The following VRK2 variants were observed in gnomAD, a reference collection of about 807,000 sequenced individuals.
The protein encoded by VRK2 is serine/threonine-protein kinase VRK2.
Under a neutral mutation model 57.6 loss-of-function variants are expected in VRK2, and 60 were observed. The observed-to-expected ratio is 1.04, with a 90% CI of 0.85 to 1.29. The LOEUF is 1.29. VRK2 is among the 50% of genes most tolerant of loss of function. The pLI is 0.00. For missense variants in VRK2, 705 were observed against 588.1 expected (o/e 1.20, Z -2.06); for synonymous variants, 231 against 199.2 (o/e 1.16, Z -1.35).
At chr2:58,069,249 A>C (rs1669059833) in intron 2 of VRK2, among the ~76,000 whole-genome samples, 1 of 152,196 alleles carries the variant, frequency 6.6e-6, no homozygotes, top group Admixed American at 6.5e-5. Flanking sequence ...TTTAGTTTTC[A>C]ATAGCAAAAG....
chr2:57,990,877 A>ATG (rs1351002156), intron 1 of VRK2, among the ~76,000 whole-genome samples: 2 of 151,588 alleles, frequency 1.3e-5, no homozygotes, highest in Non-Finnish European at 2.9e-5. Context: ...ACACACACAC[A>ATG]CACACACATG....
intron 1 of VRK2, among the ~76,000 whole-genome samples, chr2:57,943,450 C>A (rs1671161548): frequency 6.6e-6 from 1 of 152,168 alleles, no homozygotes; most frequent in Non-Finnish European, 1.5e-5. Context: ...TCTTGCTTCT[C>A]TCTTGAGGCC....
chr2:57,957,346 A>G (rs1671617644), intron 1 of VRK2, among the ~76,000 whole-genome samples: 1 of 152,020 alleles, frequency 6.6e-6, no homozygotes, highest in Admixed American at 6.6e-5. Context: ...ATACTACTGA[A>G]ACCAACATTA....
upstream of VRK2, chr2:58,046,501 T>C: frequency 2.0e-6 from 2 of 985,498 alleles, no homozygotes; most frequent in Non-Finnish European, 2.4e-6. Flanking sequence ...CCTACACAAA[T>C]GCATGTCGTG....
At chr2:58,060,855 T>C (rs1317894991) in intron 2 of VRK2, among the ~76,000 whole-genome samples, 6 of 151,908 alleles carry the variant, frequency 3.9e-5, no homozygotes, top group African/African-American at 1.4e-4. Context: ...ATAGGATTTA[T>C]GATGGCTAAG....
intron 1 of VRK2, among the ~76,000 whole-genome samples, chr2:58,005,139 T>C (rs1050567071): frequency 5.3e-5 from 8 of 152,202 alleles, no homozygotes; most frequent in African/African-American, 1.9e-4. Context: ...GTATTCTGCA[T>C]GATATGACTA....
At chr2:57,921,972 T>C (rs1044154081) in intron 1 of VRK2, among the ~76,000 whole-genome samples, 2 of 152,126 alleles carry the variant, frequency 1.3e-5, no homozygotes, top group African/African-American at 2.4e-5. Flanking sequence ...TCTGATTGTT[T>C]TGTTCCTCGT....
chr2:58,137,241 T>C (rs942382879), intron 10 of VRK2, among the ~76,000 whole-genome samples: 1 of 129,680 alleles, frequency 7.7e-6, no homozygotes, highest in African/African-American at 3.3e-5. Context: ...TACATATATA[T>C]CATATATATG....
intron 2 of VRK2, among the ~76,000 whole-genome samples, chr2:58,083,171 G>C (rs1164113407): frequency 1.3e-5 from 2 of 151,518 alleles, no homozygotes; most frequent in African/African-American, 2.4e-5. Context: ...CTTTCCTTCA[G>C]ATATCATCCA....
At chr2:58,046,638 G>T, upstream of VRK2, 2 of 985,582 alleles carry the variant, frequency 2.0e-6, no homozygotes, top group Non-Finnish European at 2.4e-6. Context: ...GGCGTCTCCG[G>T]GGCGTGGACA....
At chr2:57,961,390 A>C (rs1321038766) in intron 1 of VRK2, among the ~76,000 whole-genome samples, 2 of 152,212 alleles carry the variant, frequency 1.3e-5, no homozygotes, top group African/African-American at 4.8e-5. Flanking sequence ...GATTGAAAAA[A>C]GCGAGAACAG....
At chr2:58,136,533 T>G (rs1298486575) in intron 10 of VRK2, among the ~76,000 whole-genome samples, 1 of 151,794 alleles carries the variant, frequency 6.6e-6, no homozygotes, top group East Asian at 1.9e-4. Context: ...TACAGACACG[T>G]GCCACGATGC....
At chr2:58,132,576 CAAT>C (rs1375605398) in intron 9 of VRK2, among the ~76,000 whole-genome samples, 3 of 152,122 alleles carry the variant, frequency 2.0e-5, no homozygotes, top group Non-Finnish European at 4.4e-5. Context: ...AAGAAAAAGT[CAAT>C]TGCATAGAGC....
chr2:58,019,111 A>T (rs1393164765), intron 1 of VRK2, among the ~76,000 whole-genome samples: 1 of 152,196 alleles, frequency 6.6e-6, no homozygotes, highest in African/African-American at 2.4e-5. Context: ...TCTTCCTCAA[A>T]TTTGTAACTA....
At chr2:58,075,629 GA>G (rs1669993855) in intron 2 of VRK2, among the ~76,000 whole-genome samples, 1 of 152,248 alleles carries the variant, frequency 6.6e-6, no homozygotes, top group Admixed American at 6.5e-5. Flanking sequence ...TTTACCTAAT[GA>G]TAAGTATAAA....
At chr2:58,016,642 G>C (rs937633385) in intron 1 of VRK2, among the ~76,000 whole-genome samples, 1 of 152,140 alleles carries the variant, frequency 6.6e-6, no homozygotes, top group African/African-American at 2.4e-5. Flanking sequence ...TTACAGCCGT[G>C]AGCCACCACC....
chr2:57,926,915 T>A (rs969196871), intron 1 of VRK2, among the ~76,000 whole-genome samples: 1 of 151,894 alleles, frequency 6.6e-6, no homozygotes. Flanking sequence ...TGTTTTCCAG[T>A]TGTTTTGTAG....
At chr2:58,096,809 A>G (rs1228472582) in intron 7 of VRK2, among the ~76,000 whole-genome samples, 2 of 151,562 alleles carry the variant, frequency 1.3e-5, no homozygotes, top group African/African-American at 4.8e-5. Context: ...CCTCCATAAG[A>G]GTTTAAGGCT....
intron 1 of VRK2, among the ~76,000 whole-genome samples, chr2:57,914,913 A>G (rs1230418497): frequency 1.3e-5 from 2 of 152,126 alleles, no homozygotes; most frequent in East Asian, 3.8e-4. Flanking sequence ...ATTACTACTC[A>G]AACAATTTGA....
Sources: gnomAD v4.1 joint callset for allele counts (sites outside exome capture counted in the v4.1 genomes callset) on GRCh38, gnomAD v4.1.1 for gene constraint, MANE v1.5 for transcripts, NCBI Gene and HGNC (gene_info 2026-07-23, HGNC 2026-07-21) for gene names.